The following HECW1 variants were observed in gnomAD, a reference collection of about 807,000 sequenced individuals.
HECW1 encodes the protein HECT, C2 and WW domain containing E3 ubiquitin protein ligase 1.
A neutral mutation model predicts 182.3 loss-of-function variants in HECW1; 61 were observed. The observed-to-expected ratio is 0.33, with a 90% CI of 0.27 to 0.41. The LOEUF is 0.41. Ranked by LOEUF, HECW1 falls within the 10% of genes least tolerant of loss-of-function variation. HECW1 has a pLI of 1.00. For synonymous variants in HECW1, 859 were observed against 832.6 expected, an observed-to-expected ratio of 1.03 and a Z score of -0.55; for missense variants, 1,739 against 2,108.9, an observed-to-expected ratio of 0.82 and a Z score of 3.44.
chr7:43,398,508 C>G (rs1299286361), intron 7 of HECW1, among the ~76,000 whole-genome samples: 1 of 152,068 alleles, frequency 6.6e-6, no homozygotes, highest in Admixed American at 6.5e-5. Context: ...ACATGTGCCT[C>G]CTTGGGAGCT....
In HECW1 at chr7:43,541,259, A is replaced by T; in HGVS notation, c.4116A>T (p.Arg1372Ser). ...FTRPFYKALL[R>S]LPCDLSDLEY... Reference sequence around the variant, plus strand: ...GGCCCTTCTACAAGGCACTCCTGAGACTGTAAGTGCTTTGCAGACCATGCT... The same window carrying T: ...GGCCCTTCTACAAGGCACTCCTGAGTCTGTAAGTGCTTTGCAGACCATGCT... Residue 1372 changes from arginine to serine, a missense_variant and splice_region_variant, in exon 25 of 30, where the codon AGA (arginine) becomes AGT (serine). By Grantham distance (110) the Arg-to-Ser change is moderately radical. Around this residue, in one of 5 missense-constraint regions of HECW1, gnomAD observed 420 missense variants for 595.7 expected, o/e 0.71. Coordinates refer to ENST00000395891, the MANE Select transcript of HECW1 (RefSeq NM_015052.5). The T allele has an allele frequency of 6.2e-7, 1 of 1,611,526 alleles. No individual in the cohort carries two copies. The highest frequency in any genetic ancestry group is 8.5e-7 in the Non-Finnish European group (1 of 1,177,706).
intron 8 of HECW1, among the ~76,000 whole-genome samples, chr7:43,433,787 A>G (rs993332991): frequency 1.3e-5 from 2 of 152,242 alleles, no homozygotes; most frequent in Non-Finnish European, 2.9e-5. Flanking sequence ...TGTTTAGGAC[A>G]GTTTCACAGC....
chr7:43,259,184 C>T (rs780639263), intron 3 of HECW1, among the ~76,000 whole-genome samples: 4 of 152,098 alleles, frequency 2.6e-5, no homozygotes, highest in African/African-American at 4.8e-5. Context: ...GTTAGGACTT[C>T]GAGACCAGCC....
At chr7:43,345,727 C>T (rs1160447669) in intron 5 of HECW1, among the ~76,000 whole-genome samples, 1 of 151,904 alleles carries the variant, frequency 6.6e-6, no homozygotes, top group Non-Finnish European at 1.5e-5. Flanking sequence ...ATAATAGTCT[C>T]CAGCCTCATC....
At chr7:43,203,721 A>T (rs1339870303) in intron 2 of HECW1, among the ~76,000 whole-genome samples, 1 of 152,154 alleles carries the variant, frequency 6.6e-6, no homozygotes, top group Non-Finnish European at 1.5e-5. Flanking sequence ...GCCTCCCAAA[A>T]TGCTGGTCAC....
intron 24 of HECW1, chr7:43,510,934 C>A (rs957597830): frequency 1.3e-5 from 2 of 152,326 alleles, no homozygotes; most frequent in Admixed American, 6.5e-5. Flanking sequence ...GCCTCCGTCA[C>A]TTTCCACAGT....
In HECW1 at chr7:43,162,889, CTA is replaced by C. The variant is rs78236432; in HGVS notation, c.-32+48501_-32+48502del. On this transcript the variant is annotated intron_variant, in intron 2 of 29. Coordinates refer to ENST00000395891, the MANE Select transcript of HECW1 (RefSeq NM_015052.5). ...CATCTGAGCTAATCTCTCAACAACT[CTA>C]TAAAGAGGCAACTATTGTTACTGTT... 6.6e-5 allele frequency: 10 copies of C among 152,340 alleles called. No individual in the cohort carries two copies. The East Asian group carries it at 1.9e-3, about 29-fold the overall frequency. The allele number at this position is 152,340 out of a possible 1,614,324, so 9.4% of individuals were successfully genotyped here.
intron 5 of HECW1, among the ~76,000 whole-genome samples, chr7:43,334,587 A>G (rs1184579974): frequency 2.0e-5 from 3 of 152,240 alleles, no homozygotes; most frequent in Admixed American, 6.5e-5. Flanking sequence ...AACCTGGTAC[A>G]TATTTAGACT....
Position 43,466,516 on chromosome 7 carries a change from C to T in HECW1, c.2861C>T (p.Ala954Val), listed in dbSNP as rs767085890. The change falls in exon 15 of 30, where the codon GCG becomes GTG. Residue 954 changes from alanine to valine, a missense_variant. Around this residue, in one of 5 missense-constraint regions of HECW1, gnomAD observed 971 missense variants for 1,029.1 expected, o/e 0.94. Coordinates refer to ENST00000395891, the MANE Select transcript of HECW1 (RefSeq NM_015052.5). ...ATCACCTTGCTGCTGCAGTCCCCAG[C>T]GGTCAAGTTCATCACCAACCCCGAG... ...QKITLLLQSP[A>V]VKFITNPEFF... 2.5e-5 allele frequency: 41 copies of T among 1,613,158 alleles called. No individual in the cohort carries two copies. The highest frequency in any genetic ancestry group is 3.3e-5 in the Admixed American group (2 of 59,956).
At chr7:43,133,753 T>G (rs1466319678) in intron 2 of HECW1, among the ~76,000 whole-genome samples, 1 of 152,112 alleles carries the variant, frequency 6.6e-6, no homozygotes, top group African/African-American at 2.4e-5. Context: ...TGATATTCAT[T>G]TCCTTTATTT....
intron 6 of HECW1, among the ~76,000 whole-genome samples, chr7:43,381,548 G>A (rs1562911790): frequency 6.6e-6 from 1 of 150,616 alleles, no homozygotes; most frequent in Non-Finnish European, 1.5e-5. Context: ...GAGTGCAGTG[G>A]TGCGATATCC....
At chr7:43,367,718 A>G (rs1816822118) in intron 6 of HECW1, among the ~76,000 whole-genome samples, 1 of 152,212 alleles carries the variant, frequency 6.6e-6, no homozygotes, top group African/African-American at 2.4e-5. Flanking sequence ...TCTTCTGACT[A>G]TTGTTAACTT....
intron 2 of HECW1, among the ~76,000 whole-genome samples, chr7:43,157,520 C>T (rs931934637): frequency 3.3e-5 from 5 of 152,132 alleles, no homozygotes; most frequent in Admixed American, 2.6e-4. Flanking sequence ...GTGAATTGTG[C>T]TGTCACAGGG....
intron 2 of HECW1, among the ~76,000 whole-genome samples, chr7:43,201,432 G>A (rs909217712): frequency 3.9e-5 from 6 of 152,234 alleles, no homozygotes; most frequent in Non-Finnish European, 8.8e-5. Context: ...AAGGAGGAAG[G>A]ATGCCCAGAA....
chr7:43,206,846 A>C (rs1454288767), intron 2 of HECW1, among the ~76,000 whole-genome samples: 1 of 152,238 alleles, frequency 6.6e-6, no homozygotes, highest in Non-Finnish European at 1.5e-5. Flanking sequence ...TCTTTAAGCT[A>C]TTTAGAATGA....
At chr7:43,530,347 C>A (rs777005727) in intron 24 of HECW1, among the ~76,000 whole-genome samples, 1 of 151,916 alleles carries the variant, frequency 6.6e-6, no homozygotes, top group Non-Finnish European at 1.5e-5. Context: ...GCCATTGTCA[C>A]CTAGTTTTTA....
intron 12 of HECW1, among the ~76,000 whole-genome samples, chr7:43,454,109 C>A (rs61486109): frequency 6.6e-6 from 1 of 152,166 alleles, no homozygotes; most frequent in Non-Finnish European, 1.5e-5. Flanking sequence ...ATTATTGCAG[C>A]TTCATTTTCT....
At chr7:43,348,245 G>A (rs746948729) in intron 5 of HECW1, among the ~76,000 whole-genome samples, 1 of 152,042 alleles carries the variant, frequency 6.6e-6, no homozygotes, top group African/African-American at 2.4e-5. Flanking sequence ...AGCTAAGAGG[G>A]CTGTATTTTT....
At position 43,517,757 on chromosome 7, in the gene HECW1, G is replaced by A. The variant is rs114364556; in HGVS notation, c.4019+8636G>A. Among the ~76,000 whole-genome samples the A allele has an allele frequency of 8.4e-3, 1,282 of 152,116 alleles. 20 individuals carry two copies. Among genetic ancestry groups the A allele is most frequent in the African/African-American group, 0.029 (1,214 of 41,484 alleles). The stretch of plus-strand genomic sequence containing the variant: ...AACAACAGCCCCTGGGTTCTTTCAC[G>A]AACACCTACAAGAGCTTTGCTGACC... On this transcript the variant is annotated intron_variant, in intron 24 of 29. Transcript: ENST00000395891.
Sources: gnomAD v4.1 joint callset for allele counts (sites outside exome capture counted in the v4.1 genomes callset) on GRCh38, gnomAD v4.1.1 for gene constraint, gnomAD v4.1.1 regional missense constraint, MANE v1.5 for transcripts, NCBI Gene and HGNC (gene_info 2026-07-23, HGNC 2026-07-21) for gene names.